The following SLC44A3 variants were observed in gnomAD, a reference collection of about 807,000 sequenced individuals.
SLC44A3 encodes the protein solute carrier family 44 member 3.
Under a neutral mutation model 75.4 loss-of-function variants are expected in SLC44A3, and 74 were observed. That is an observed-to-expected ratio of 0.98 (90% CI 0.81 to 1.19). The LOEUF is 1.19. SLC44A3 is among the 50% of genes most tolerant of loss of function. The pLI, the probability that SLC44A3 is intolerant of heterozygous loss-of-function variation, is 0.00. For synonymous variants in SLC44A3, 310 were observed against 296.9 expected, an observed-to-expected ratio of 1.04 and a Z score of -0.45; for missense variants, 700 against 778.6, an observed-to-expected ratio of 0.90 and a Z score of 1.20.
intron 2 of SLC44A3, among the ~76,000 whole-genome samples, chr1:94,822,102 G>T (rs1226274662): frequency 6.6e-6 from 1 of 152,162 alleles, no homozygotes; most frequent in Non-Finnish European, 1.5e-5. Flanking sequence ...TAAATGCAGG[G>T]AGCAGCTGGC....
At chr1:94,868,430 A>G (rs9432398) in intron 12 of SLC44A3, among the ~76,000 whole-genome samples, 8,258 of 152,212 alleles carry the variant, frequency 0.054, 347 homozygotes, top group African/African-American at 0.11. Flanking sequence ...AGTAAGGTCT[A>G]TTTTTAGGCT....
intron 10 of SLC44A3, among the ~76,000 whole-genome samples, chr1:94,859,220 A>G (rs79926996): frequency 0.01 from 1,538 of 152,326 alleles, 26 homozygotes; most frequent in African/African-American, 0.035. Flanking sequence ...TAGAATAACA[A>G]AATCAAAGCA....
Position 94,886,111 on chromosome 1 carries a change from C to T in SLC44A3, c.1483-5019C>T, listed in dbSNP as rs111436515. 6.3e-3 allele frequency among the ~76,000 whole-genome samples: 967 copies of T among 152,328 alleles called. 15 individuals carry two copies. Among genetic ancestry groups the T allele is most frequent in the African/African-American group, 0.022 (902 of 41,584 alleles). ...CCCTGGCTTATGACTGCTGGCGGGT[C>T]GGTGTGCTCAATGGCTGCATGGCCA... On this transcript the variant is annotated intron_variant, in intron 12 of 14. Coordinates refer to ENST00000271227, the MANE Select transcript of SLC44A3 (RefSeq NM_001114106.3).
At chr1:94,850,093 AT>A (rs1222661138) in intron 9 of SLC44A3, among the ~76,000 whole-genome samples, 2 of 152,188 alleles carry the variant, frequency 1.3e-5, no homozygotes, top group African/African-American at 4.8e-5. Flanking sequence ...ATTAAAAAAA[AT>A]AGGAGTGAAC....
intron 12 of SLC44A3, among the ~76,000 whole-genome samples, chr1:94,890,466 A>T (rs1670085538): frequency 6.6e-6 from 1 of 151,902 alleles, no homozygotes; most frequent in African/African-American, 2.4e-5. Flanking sequence ...TAATTTTAAC[A>T]CTCTTAGGCA....
intron 12 of SLC44A3, among the ~76,000 whole-genome samples, chr1:94,868,876 G>A (rs1252847223): frequency 6.6e-6 from 1 of 152,222 alleles, no homozygotes; most frequent in East Asian, 1.9e-4. Context: ...TTCACTCATG[G>A]TTTTCATACT....
intron 12 of SLC44A3, among the ~76,000 whole-genome samples, chr1:94,868,905 G>C (rs1667461450): frequency 6.6e-6 from 1 of 152,248 alleles, no homozygotes; most frequent in South Asian, 2.1e-4. Flanking sequence ...GAAGCCTAGA[G>C]GCTCCTGTGG....
intron 10 of SLC44A3, among the ~76,000 whole-genome samples, chr1:94,863,403 G>T (rs1197608220): frequency 6.6e-6 from 1 of 152,112 alleles, no homozygotes; most frequent in African/African-American, 2.4e-5. Context: ...ATTCACAGAG[G>T]CCTATGAATC....
chr1:94,835,705 C>T (rs907396324), intron 5 of SLC44A3, among the ~76,000 whole-genome samples: 2 of 152,170 alleles, frequency 1.3e-5, no homozygotes, highest in Admixed American at 6.5e-5. Context: ...AGTCTGGCGT[C>T]TCATTTTGGA....
chr1:94,864,570 A>C (rs573352101), intron 10 of SLC44A3, among the ~76,000 whole-genome samples, 173 bp from the exon 11 acceptor site: 1 of 152,294 alleles, frequency 6.6e-6, no homozygotes, highest in African/African-American at 2.4e-5. Flanking sequence ...AAACGAATTA[A>C]ATTAATACAA....
chr1:94,860,978 T>C (rs1666498745), intron 10 of SLC44A3, among the ~76,000 whole-genome samples: 2 of 152,092 alleles, frequency 1.3e-5, no homozygotes, highest in South Asian at 4.1e-4. Flanking sequence ...ACTGAGGGAA[T>C]ACCAGGTGTG....
intron 12 of SLC44A3, among the ~76,000 whole-genome samples, chr1:94,876,278 A>G (rs1668275323): frequency 6.6e-6 from 1 of 152,254 alleles, no homozygotes; most frequent in Non-Finnish European, 1.5e-5. Flanking sequence ...AAATTCACTT[A>G]GTGTGGAAAA....
At chr1:94,894,762 C>A (rs1482667148) in intron 14 of SLC44A3, 56 bp from the exon 15 acceptor site, 5 of 1,455,330 alleles carry the variant, frequency 3.4e-6, no homozygotes, top group Non-Finnish European at 4.7e-6. Flanking sequence ...TCGGCCCCTA[C>A]GTTATCAACA....
chr1:94,865,831 T>C (rs1028398068), intron 11 of SLC44A3, among the ~76,000 whole-genome samples: 29 of 152,214 alleles, frequency 1.9e-4, no homozygotes, highest in African/African-American at 6.3e-4. Context: ...TATTTTGGAA[T>C]TGTTTTCATT....
intron 14 of SLC44A3, among the ~76,000 whole-genome samples, chr1:94,893,968 G>A (rs749668956): frequency 1.6e-4 from 24 of 151,972 alleles, no homozygotes; most frequent in Non-Finnish European, 2.6e-4. Context: ...AGTGGCAGGC[G>A]CCTGTAATCT....
intron 12 of SLC44A3, among the ~76,000 whole-genome samples, chr1:94,880,272 A>G (rs1328635284): frequency 6.6e-6 from 1 of 152,220 alleles, no homozygotes; most frequent in Non-Finnish European, 1.5e-5. Flanking sequence ...AAGCAGCCCA[A>G]GTGCCCTCAG....
chr1:94,842,470 T>A (rs554338200), intron 8 of SLC44A3, among the ~76,000 whole-genome samples: 12 of 152,324 alleles, frequency 7.9e-5, no homozygotes, highest in Non-Finnish European at 1.5e-4. Flanking sequence ...CGGCTCCCCT[T>A]TGCCAGTGTA....
chr1:94,858,703 G>GTTTA (rs776988587), intron 10 of SLC44A3, among the ~76,000 whole-genome samples: 11 of 146,674 alleles, frequency 7.5e-5, no homozygotes, highest in Non-Finnish European at 1.1e-4. Context: ...TTGTTTGTTT[G>GTTTA]TTTATTGAGA....
chr1:94,866,159 C>G (rs952357080), intron 11 of SLC44A3, among the ~76,000 whole-genome samples: 5 of 152,174 alleles, frequency 3.3e-5, no homozygotes, highest in Admixed American at 6.5e-5. Context: ...AAGAACAGGA[C>G]AGCGTTTTAT....
Sources: gnomAD v4.1 joint callset for allele counts (sites outside exome capture counted in the v4.1 genomes callset) on GRCh38, gnomAD v4.1.1 for gene constraint, MANE v1.5 for transcripts, NCBI Gene and HGNC (gene_info 2026-07-23, HGNC 2026-07-21) for gene names.